BPNT2: variants seen among roughly 807,000 people sequenced by gnomAD.
BPNT2 encodes 3'(2'), 5'-bisphosphate nucleotidase 2.
In BPNT2, 11 loss-of-function variants were observed where a neutral mutation model predicts 29.3. The observed-to-expected ratio is 0.38, with a 90% CI of 0.24 to 0.62. The LOEUF is 0.62. Ranked by LOEUF, BPNT2 falls within the 20% of genes least tolerant of loss-of-function variation. BPNT2 has a pLI of 0.62. For synonymous variants in BPNT2, 195 were observed against 187.7 expected, an observed-to-expected ratio of 1.04 and a Z score of -0.32; for missense variants, 459 against 473.4, an observed-to-expected ratio of 0.97 and a Z score of 0.28.
At position 56,961,131 on chromosome 8, in the gene BPNT2, G is replaced by A. The variant is rs1805825673; in HGVS notation, c.*2662C>T. ...ACTGATGTCACTGCCTCTACTAAAT[G>A]TGGTGCATAAAAGTCATATTTTAAG... On this transcript the variant is annotated 3_prime_UTR_variant, in exon 5 of 5. Coordinates refer to ENST00000262644, the MANE Select transcript of BPNT2 (RefSeq NM_017813.5). The A allele has an allele frequency of 6.6e-6, 1 of 152,188 alleles. No homozygotes were observed. The highest frequency in any genetic ancestry group is 6.5e-5 in the Admixed American group (1 of 15,268). 9.4% of individuals were successfully genotyped at this position (152,188 alleles called of 1,614,324 possible).
At chr8:56,972,036 AG>A (rs143534242) in intron 3 of BPNT2, among the ~76,000 whole-genome samples, 19,779 of 151,578 alleles carry the variant, frequency 0.13, 1,470 homozygotes, top group East Asian at 0.18. Flanking sequence ...TGGAGCCTGC[AG>A]TGGGCTGAGA....
At chr8:56,985,757 C>A (rs1043663996) in intron 1 of BPNT2, among the ~76,000 whole-genome samples, 8 of 152,186 alleles carry the variant, frequency 5.3e-5, no homozygotes, top group Non-Finnish European at 1.2e-4. Flanking sequence ...CTAGTACTCA[C>A]AATGTCCACT....
At chr8:56,966,972 T>A (rs1208653668) in intron 3 of BPNT2, 1 of 348,892 alleles carries the variant, frequency 2.9e-6, no homozygotes, top group Non-Finnish European at 5.6e-6. Context: ...TCAGAGAGTA[T>A]TAAAGAAAAA....
At chr8:56,968,214 A>G (rs1805979726) in intron 3 of BPNT2, among the ~76,000 whole-genome samples, 1 of 152,092 alleles carries the variant, frequency 6.6e-6, no homozygotes, top group South Asian at 2.1e-4. Context: ...CTCATATAAC[A>G]CAGAAAAGAA....
At chr8:56,985,259 G>C (rs868448251) in intron 1 of BPNT2, among the ~76,000 whole-genome samples, 1 of 152,014 alleles carries the variant, frequency 6.6e-6, no homozygotes. Context: ...ACCAAAGTAG[G>C]TACTCAATAA....
intron 3 of BPNT2, among the ~76,000 whole-genome samples, chr8:56,971,942 A>C (rs1806042652): frequency 2.6e-5 from 4 of 151,854 alleles, no homozygotes; most frequent in African/African-American, 9.7e-5. Flanking sequence ...AAAAATACAA[A>C]AAATTAGCCG....
chr8:56,979,837 C>T (rs1326297876), intron 2 of BPNT2, among the ~76,000 whole-genome samples, 198 bp downstream of exon 2: 1 of 152,058 alleles, frequency 6.6e-6, no homozygotes, highest in African/African-American at 2.4e-5. Context: ...TCCTAACATC[C>T]CGAGTAAACA....
At chr8:56,965,643 T>C (rs955891240) in intron 4 of BPNT2, among the ~76,000 whole-genome samples, 1 of 152,200 alleles carries the variant, frequency 6.6e-6, no homozygotes, top group Non-Finnish European at 1.5e-5. Flanking sequence ...AATTTTATTA[T>C]CGGTTTCTTT....
Position 56,963,738 on chromosome 8 carries a change from C to T in BPNT2, c.*55G>A, listed in dbSNP as rs752559453. 2 of 1,596,338 alleles carry T rather than the reference C, an allele frequency of 1.3e-6. No individual in the cohort carries two copies. The highest frequency in any genetic ancestry group is 2.7e-5 in the African/African-American group (2 of 74,572). On this transcript the variant is annotated 3_prime_UTR_variant, in exon 5 of 5. Coordinates refer to ENST00000262644, the MANE Select transcript of BPNT2 (RefSeq NM_017813.5). ...TCCACCAATCCTTTGAAGCTTCCAG[C>T]ATCTCAGGCTAACCATTTCAGCTGT...
At chr8:56,971,380 G>C (rs142982215) in intron 3 of BPNT2, among the ~76,000 whole-genome samples, 1 of 151,288 alleles carries the variant, frequency 6.6e-6, no homozygotes, top group Admixed American at 6.6e-5. Context: ...AATTTCCACC[G>C]AGTGAATATA....
At chr8:56,992,875 A>T (rs1198543228) in intron 1 of BPNT2, among the ~76,000 whole-genome samples, 1 of 152,118 alleles carries the variant, frequency 6.6e-6, no homozygotes, top group African/African-American at 2.4e-5. Context: ...GATTTTAGCC[A>T]ACCCCTTAAT....
Position 56,963,871 on chromosome 8 carries a change from T to TCC in BPNT2, c.1000_1001dup (p.Leu335AspfsTer8). 2 of 1,613,950 alleles carry TCC rather than the reference T, an allele frequency of 1.2e-6. No individual in the cohort carries two copies. The highest frequency in any genetic ancestry group is 1.7e-6 in the Non-Finnish European group (2 of 1,179,964). On this transcript the variant is annotated frameshift_variant, in exon 5 of 5. Coordinates refer to ENST00000262644, the MANE Select transcript of BPNT2 (RefSeq NM_017813.5). LOFTEE classifies it high-confidence loss of function. Reference sequence around the variant, plus strand: ...GGTTCATTCTGATGCTAGCAAGGAGTCCCCCTTCAATGCCGTCTGAACCAG... The same window carrying TCC: ...GGTTCATTCTGATGCTAGCAAGGAGTCCCCCCCTTCAATGCCGTCTGAACCAG...
Position 56,993,776 on chromosome 8 carries a change from C to A in BPNT2, c.-191G>T. On this transcript the variant is annotated 5_prime_UTR_variant, in exon 1 of 5. Coordinates refer to ENST00000262644, the MANE Select transcript of BPNT2 (RefSeq NM_017813.5). ...GTTGCGCCGCGAAGACCACCAACGC[C>A]GCCCCGCGCGCCTGACTCGCCAGGC... The A allele has an allele frequency of 1.4e-6, 1 of 709,824 alleles. No individual in the cohort carries two copies. Among genetic ancestry groups the A allele is most frequent in the African/African-American group, 1.9e-5 (1 of 52,042 alleles). The allele number at this position is 709,824 out of a possible 1,614,324, so 44.0% of individuals were successfully genotyped here. A position where few individuals can be genotyped will look rare whatever the true frequency, so the allele number is the denominator to read the frequency against.
rs746911384 is a variant in BPNT2 at position 56,978,155 on chromosome 8, A to C, written c.551-10T>G. On this transcript the variant is annotated splice_polypyrimidine_tract_variant and intron_variant, in intron 2 of 4. Transcript: ENST00000262644. ...TACTTTCGAAGATCCTCTATGAGAA[A>C]AAAAACAAAACAACACACACAAATG... 3 of 1,529,618 alleles carry C rather than the reference A, an allele frequency of 2.0e-6. No individual in the cohort carries two copies. The highest frequency in any genetic ancestry group is 2.7e-6 in the Non-Finnish European group (3 of 1,104,484). The allele number at this position is 1,529,618 out of a possible 1,614,324, so 94.8% of individuals were successfully genotyped here. A position where few individuals can be genotyped will look rare whatever the true frequency, so the allele number is the denominator to read the frequency against.
In BPNT2 at chr8:56,960,895, AG is replaced by A. The variant is rs1805822011; in HGVS notation, c.*2897del. Reference sequence around the variant, plus strand: ...TCCTCCAGGATTGATCTCTGATACTAGGAACTTTACCAGAGCTTCAGATTTC... The same window carrying A: ...TCCTCCAGGATTGATCTCTGATACTAGAACTTTACCAGAGCTTCAGATTTC... On this transcript the variant is annotated 3_prime_UTR_variant, in exon 5 of 5. Transcript: ENST00000262644. 6.6e-6 allele frequency: 1 copy of A among 152,230 alleles called. No homozygotes were observed. The highest frequency in any genetic ancestry group is 1.5e-5 in the Non-Finnish European group (1 of 68,044). The allele number at this position is 152,230 out of a possible 1,614,324, so 9.4% of individuals were successfully genotyped here.
intron 3 of BPNT2, among the ~76,000 whole-genome samples, chr8:56,972,109 A>G (rs2129204337): frequency 6.6e-6 from 1 of 151,588 alleles, no homozygotes; most frequent in South Asian, 2.1e-4. Flanking sequence ...AAAAAAAGAA[A>G]CCCTACGTGA....
chr8:56,985,084 C>A (rs1053330025), intron 1 of BPNT2, among the ~76,000 whole-genome samples: 1 of 151,836 alleles, frequency 6.6e-6, no homozygotes, highest in Non-Finnish European at 1.5e-5. Context: ...AAAGAAGGAC[C>A]ACCAGACACT....
At chr8:56,967,077 T>A in intron 3 of BPNT2, 1 of 429,142 alleles carries the variant, frequency 2.3e-6, no homozygotes, top group Non-Finnish European at 4.7e-6. Flanking sequence ...TTTTCTTCAC[T>A]GACTATAAAA....
At position 56,958,836 on chromosome 8, in the gene BPNT2, T is replaced by C. The variant is rs1001307751; in HGVS notation, c.*4957A>G. The C allele has an allele frequency of 2.0e-5, 3 of 152,112 alleles. No homozygotes were observed. Among genetic ancestry groups the C allele is most frequent in the African/African-American group, 7.2e-5 (3 of 41,428 alleles). The allele number at this position is 152,112 out of a possible 1,614,324, so 9.4% of individuals were successfully genotyped here. A position where few individuals can be genotyped will look rare whatever the true frequency, so the allele number is the denominator to read the frequency against. On this transcript the variant is annotated 3_prime_UTR_variant, in exon 5 of 5. Transcript: ENST00000262644. ...TGGCTACTGCCGGTAGTGGACAATA[T>C]GGCACATGGAAATTAAAAAGTCCAT... is the stretch of plus-strand genomic sequence containing the variant.
Sources: gnomAD v4.1 joint callset for allele counts (sites outside exome capture counted in the v4.1 genomes callset) on GRCh38, gnomAD v4.1.1 for gene constraint, MANE v1.5 for transcripts, NCBI Gene and HGNC (gene_info 2026-07-23, HGNC 2026-07-21) for gene names.